The following IL1RAPL1 variants were observed in gnomAD, a reference collection of about 807,000 sequenced individuals.
IL1RAPL1 encodes the protein interleukin 1 receptor accessory protein like 1.
A neutral mutation model predicts 48.4 loss-of-function variants in IL1RAPL1; 3 were observed. The ratio of observed to expected loss-of-function variants is 0.06; its 90% CI spans 0.03 to 0.16. The LOEUF is 0.16. Among genes scored for constraint, IL1RAPL1 ranks in the 10% least tolerant of loss-of-function variants. IL1RAPL1 has a pLI of 1.00. For missense variants in IL1RAPL1, 349 were observed against 530.6 expected, an observed-to-expected ratio of 0.66 and a Z score of 3.36; for synonymous variants, 185 against 187.7, an observed-to-expected ratio of 0.99 and a Z score of 0.12.
intron 5 of IL1RAPL1, among the ~76,000 whole-genome samples, chrX:29,561,501 A>G (rs1922193044): frequency 9.0e-6 from 1 of 111,699 alleles, no homozygotes; most frequent in South Asian, 3.7e-4. Flanking sequence ...TCCCAAGACT[A>G]TTCAACTGAG....
chrX:29,255,164 T>A (rs1438808002), intron 2 of IL1RAPL1, among the ~76,000 whole-genome samples: 1 of 109,499 alleles, frequency 9.1e-6, no homozygotes, highest in Non-Finnish European at 1.9e-5. Context: ...TGTGTGTGTG[T>A]GAAATTCATT....
At chrX:29,486,518 A>C (rs1352955885) in intron 5 of IL1RAPL1, among the ~76,000 whole-genome samples, 2 of 107,557 alleles carry the variant, frequency 1.9e-5, no homozygotes, top group Admixed American at 1.0e-4. Context: ...AATACATAAA[A>C]GGGGAAATTG....
chrX:28,652,276 A>G (rs759129537), intron 1 of IL1RAPL1, among the ~76,000 whole-genome samples: 1 of 111,183 alleles, frequency 9.0e-6, no homozygotes, highest in South Asian at 3.8e-4. Flanking sequence ...CCTCGCGGAT[A>G]GGAGCAGGAT....
chrX:29,470,518 C>A (rs1250519726), intron 5 of IL1RAPL1, among the ~76,000 whole-genome samples: 1 of 111,707 alleles, frequency 9.0e-6, no homozygotes, highest in Non-Finnish European at 1.9e-5. Flanking sequence ...ATCTCTCATA[C>A]CCTTCATAAC....
At chrX:29,304,120 G>A (rs1261249519) in intron 3 of IL1RAPL1, among the ~76,000 whole-genome samples, 1 of 110,825 alleles carries the variant, frequency 9.0e-6, no homozygotes, top group East Asian at 2.8e-4. Flanking sequence ...ATACCTGCCC[G>A]TCCCCTCCAG....
intron 6 of IL1RAPL1, among the ~76,000 whole-genome samples, chrX:29,671,800 C>G (rs1009115153): frequency 1.8e-5 from 2 of 112,062 alleles, no homozygotes; most frequent in African/African-American, 3.2e-5. Context: ...GGACAGAGAG[C>G]ATATTCTATC....
intron 5 of IL1RAPL1, among the ~76,000 whole-genome samples, chrX:29,590,895 G>A (rs770062144): frequency 1.0e-3 from 112 of 112,194 alleles, no homozygotes; most frequent in Non-Finnish European, 1.9e-3. Flanking sequence ...GAAGTATTCA[G>A]GAATTATGTT....
In IL1RAPL1 at chrX:29,418,117, A is replaced by T. The variant is rs199621198; in HGVS notation, c.703+18809A>T. The stretch of plus-strand genomic sequence containing the variant: ...TATATATATATATATATATATATAT[A>T]TATATATATTTTTTTTTTTTTTTTT... On this transcript the variant is annotated intron_variant, in intron 5 of 10. Transcript: ENST00000378993. Among the ~76,000 whole-genome samples, 110 of 30,663 alleles carry T rather than the reference A, an allele frequency of 3.6e-3. 7 individuals carry two copies. Among genetic ancestry groups the T allele is most frequent in the African/African-American group, 6.2e-3 (55 of 8,845 alleles). 26.6% of individuals were successfully genotyped at this position (30,663 alleles called of 115,157 possible).
chrX:28,611,823 CAG>C (rs769757289), intron 1 of IL1RAPL1, among the ~76,000 whole-genome samples: 2 of 112,548 alleles, frequency 1.8e-5, no homozygotes, highest in East Asian at 5.6e-4. Context: ...GGAGAGATGA[CAG>C]AGGGGAACAG....
chrX:28,727,343 G>A (rs1262596331), intron 1 of IL1RAPL1, among the ~76,000 whole-genome samples: 1 of 106,789 alleles, frequency 9.4e-6, no homozygotes, highest in African/African-American at 3.4e-5. Flanking sequence ...TTTGTCTTTT[G>A]TTGGTGTATA....
At chrX:28,680,579 G>A (rs1256427548) in intron 1 of IL1RAPL1, among the ~76,000 whole-genome samples, 3 of 111,564 alleles carry the variant, frequency 2.7e-5, no homozygotes, top group Non-Finnish European at 5.7e-5. Flanking sequence ...TATGATATTA[G>A]CTGTGGAGTT....
chrX:29,037,176 A>T (rs1231398733), intron 2 of IL1RAPL1, among the ~76,000 whole-genome samples: 1 of 112,096 alleles, frequency 8.9e-6, no homozygotes, highest in South Asian at 3.7e-4. Flanking sequence ...GACCAGTTAA[A>T]GCAATTTCTT....
intron 5 of IL1RAPL1, among the ~76,000 whole-genome samples, chrX:29,434,774 T>C (rs1276900795): frequency 9.0e-6 from 1 of 111,145 alleles, no homozygotes; most frequent in Admixed American, 9.6e-5. Context: ...ATTGTTTTAA[T>C]TTATAGTTTA....
chrX:28,877,531 G>A (rs1448545225), intron 2 of IL1RAPL1, among the ~76,000 whole-genome samples: 1 of 112,355 alleles, frequency 8.9e-6, no homozygotes, highest in African/African-American at 3.2e-5. Flanking sequence ...CATTATCATA[G>A]TTATTCTAAT....
chrX:29,465,620 A>T (rs954694545), intron 5 of IL1RAPL1, among the ~76,000 whole-genome samples: 6 of 111,082 alleles, frequency 5.4e-5, no homozygotes, highest in African/African-American at 2.0e-4. Flanking sequence ...GATTTAATGG[A>T]TCGGGGGTAC....
At chrX:28,877,056 T>C (rs2147312027) in intron 2 of IL1RAPL1, among the ~76,000 whole-genome samples, 1 of 111,995 alleles carries the variant, frequency 8.9e-6, no homozygotes, top group South Asian at 3.7e-4. Flanking sequence ...TGCTTAATCC[T>C]GACCATGTAA....
At chrX:29,004,484 A>G (rs1010178105) in intron 2 of IL1RAPL1, among the ~76,000 whole-genome samples, 2 of 112,167 alleles carry the variant, frequency 1.8e-5, no homozygotes, top group Non-Finnish European at 3.8e-5. Flanking sequence ...CAGTGAACAC[A>G]TAAGGAAACT....
chrX:28,876,440 A>AT (rs1367886271), intron 2 of IL1RAPL1, among the ~76,000 whole-genome samples: 1 of 111,973 alleles, frequency 8.9e-6, no homozygotes, highest in Non-Finnish European at 1.9e-5. Flanking sequence ...AAAGAACCAG[A>AT]TTTAGAAGAG....
At chrX:29,149,366 T>C (rs1039495135) in intron 2 of IL1RAPL1, among the ~76,000 whole-genome samples, 2 of 111,163 alleles carry the variant, frequency 1.8e-5, no homozygotes, top group Non-Finnish European at 1.9e-5. Flanking sequence ...GTGGATAACA[T>C]CAGGTGTCCA....
Sources: gnomAD v4.1 joint callset for allele counts (sites outside exome capture counted in the v4.1 genomes callset) on GRCh38, gnomAD v4.1.1 for gene constraint, MANE v1.5 for transcripts, NCBI Gene and HGNC (gene_info 2026-07-23, HGNC 2026-07-21) for gene names.